The following CHN2 variants were observed in gnomAD, a reference collection of about 807,000 sequenced individuals.
CHN2 encodes chimerin 2, also known as beta-chimaerin.
In CHN2, 35 loss-of-function variants were observed where a neutral mutation model predicts 56.3. The ratio of observed to expected loss-of-function variants is 0.62; its 90% confidence interval spans 0.47 to 0.82. CHN2 has a LOEUF of 0.82. Among genes scored for constraint, CHN2 ranks in the 40% least tolerant of loss-of-function variants. The pLI, the probability that CHN2 is intolerant of heterozygous loss-of-function variation, is 0.00. For synonymous variants in CHN2, 210 were observed against 212.8 expected (o/e 0.99, Z 0.12); for missense variants, 491 against 580.5 (o/e 0.85, Z 1.58).
intron 2 of CHN2, among the ~76,000 whole-genome samples, chr7:29,158,444 G>A (rs981814905): frequency 6.6e-6 from 1 of 152,168 alleles, no homozygotes; most frequent in African/African-American, 2.4e-5. Context: ...GCTATGATGT[G>A]TGTGGGTAAG....
At chr7:29,341,608 G>T (rs990343957) in intron 1 of CHN2, among the ~76,000 whole-genome samples, 2 of 151,946 alleles carry the variant, frequency 1.3e-5, no homozygotes, top group East Asian at 3.9e-4. Context: ...AGAGAAGGAT[G>T]GGAGGGAGAG....
chr7:29,180,499 G>A (rs1047396333), intron 2 of CHN2, among the ~76,000 whole-genome samples: 9 of 151,094 alleles, frequency 6.0e-5, no homozygotes, highest in African/African-American at 7.3e-5. Flanking sequence ...TGCACTGGGC[G>A]ACAGAGCGAC....
At chr7:29,211,204 G>A (rs182269894) in intron 1 of CHN2, among the ~76,000 whole-genome samples, 1,793 of 151,820 alleles carry the variant, frequency 0.012, 32 homozygotes, top group African/African-American at 0.04. Flanking sequence ...CTGAGGAGCT[G>A]GGACTAAAGG....
chr7:29,443,929 G>C (rs1172514361), intron 6 of CHN2, among the ~76,000 whole-genome samples: 1 of 152,164 alleles, frequency 6.6e-6, no homozygotes, highest in Non-Finnish European at 1.5e-5. Flanking sequence ...GGAAAAGGCA[G>C]GAAATACTTG....
At chr7:29,345,697 C>T (rs936741386) in intron 1 of CHN2, among the ~76,000 whole-genome samples, 1 of 152,034 alleles carries the variant, frequency 6.6e-6, no homozygotes, top group Non-Finnish European at 1.5e-5. Context: ...CGAGGACTGG[C>T]TCGTTGCATT....
At chr7:29,306,560 G>C (rs1794181552) in intron 1 of CHN2, among the ~76,000 whole-genome samples, 1 of 152,144 alleles carries the variant, frequency 6.6e-6, no homozygotes, top group Non-Finnish European at 1.5e-5. Context: ...GGGGGACCCT[G>C]GGTGTTAAAG....
At chr7:29,153,292 G>A (rs1793863965) in intron 2 of CHN2, among the ~76,000 whole-genome samples, 1 of 152,136 alleles carries the variant, frequency 6.6e-6, no homozygotes, top group Non-Finnish European at 1.5e-5. Context: ...ATAAACATCT[G>A]TTGATTTAAA....
At chr7:29,370,707 CA>C (rs983943223) in intron 3 of CHN2, among the ~76,000 whole-genome samples, 2 of 152,224 alleles carry the variant, frequency 1.3e-5, no homozygotes, top group African/African-American at 2.4e-5. Context: ...GAGCACCAAG[CA>C]AAGTGTGCAA....
chr7:29,332,031 AAGAG>A (rs1183069687), intron 1 of CHN2, among the ~76,000 whole-genome samples: 1 of 146,238 alleles, frequency 6.8e-6, no homozygotes, highest in Non-Finnish European at 1.5e-5. Flanking sequence ...AAAAAAAAAA[AAGAG>A]AAGGATAATT....
intron 1 of CHN2, among the ~76,000 whole-genome samples, chr7:29,291,289 C>T (rs576258422): frequency 1.3e-5 from 2 of 152,212 alleles, no homozygotes; most frequent in East Asian, 1.9e-4. Context: ...GGGAGCCAGC[C>T]GTTCCCTGGC....
chr7:29,284,156 T>C (rs1236921789), intron 1 of CHN2, among the ~76,000 whole-genome samples: 2 of 151,750 alleles, frequency 1.3e-5, no homozygotes, highest in Non-Finnish European at 2.9e-5. Context: ...AGTGCAGTGG[T>C]GCGATCTCCC....
intron 1 of CHN2, among the ~76,000 whole-genome samples, chr7:29,291,250 T>C (rs1301002659): frequency 6.6e-6 from 1 of 152,146 alleles, no homozygotes; most frequent in Non-Finnish European, 1.5e-5. Context: ...AAGCAGCTGA[T>C]CACCAGTTTC....
chr7:29,320,262 A>G (rs926793609), intron 1 of CHN2, among the ~76,000 whole-genome samples: 3 of 152,204 alleles, frequency 2.0e-5, no homozygotes, highest in Non-Finnish European at 2.9e-5. Context: ...CTTGAGACAC[A>G]GGAGAATTGG....
rs55722880 is a variant in CHN2 at position 29,273,343 on chromosome 7, G to GTATA, written c.49+78396_49+78399dup. On this transcript the variant is annotated intron_variant, in intron 1 of 12. Coordinates refer to ENST00000222792, the MANE Select transcript of CHN2 (RefSeq NM_004067.4). ...CCATCATGCATATATATATATATGT[G>GTATA]TATATATATATATATATATATATAT... is the stretch of plus-strand genomic sequence containing the variant. Among the ~76,000 whole-genome samples, 237 of 58,072 alleles carry GTATA rather than the reference G, an allele frequency of 4.1e-3. 2 individuals are homozygous for GTATA. Among genetic ancestry groups the GTATA allele is most frequent in the Middle Eastern group, 0.012 (1 of 82 alleles). 38.1% of individuals were successfully genotyped at this position (58,072 alleles called of 152,430 possible). A position where few individuals can be genotyped will look rare whatever the true frequency, so the allele number is the denominator to read the frequency against.
At chr7:29,260,189 C>T (rs1355370106) in intron 1 of CHN2, among the ~76,000 whole-genome samples, 1 of 152,110 alleles carries the variant, frequency 6.6e-6, no homozygotes, top group African/African-American at 2.4e-5. Context: ...GTTGGCCAGG[C>T]TGGTCTTGAA....
At chr7:29,184,246 A>G (rs1438427197) in intron 2 of CHN2, among the ~76,000 whole-genome samples, 1 of 150,772 alleles carries the variant, frequency 6.6e-6, no homozygotes, top group Non-Finnish European at 1.5e-5. Flanking sequence ...ATACATATAC[A>G]ATCTATATAT....
At chr7:29,470,265 A>G (rs1159384094) in intron 6 of CHN2, among the ~76,000 whole-genome samples, 2 of 152,232 alleles carry the variant, frequency 1.3e-5, no homozygotes, top group Non-Finnish European at 2.9e-5. Flanking sequence ...AATCCCAGCC[A>G]CCACTCACAC....
At chr7:29,428,188 G>A (rs1230558217) in intron 6 of CHN2, among the ~76,000 whole-genome samples, 1 of 152,158 alleles carries the variant, frequency 6.6e-6, no homozygotes, top group Non-Finnish European at 1.5e-5. Context: ...CAACAACTTG[G>A]CAGGATTGTT....
intron 1 of CHN2, among the ~76,000 whole-genome samples, chr7:29,320,525 C>A (rs1035626967): frequency 6.6e-6 from 1 of 152,112 alleles, no homozygotes; most frequent in Non-Finnish European, 1.5e-5. Context: ...GAGAGAAACC[C>A]GAGTAAATAT....
Sources: gnomAD v4.1 joint callset for allele counts (sites outside exome capture counted in the v4.1 genomes callset) on GRCh38, gnomAD v4.1.1 for gene constraint, MANE v1.5 for transcripts, NCBI Gene and HGNC (gene_info 2026-07-23, HGNC 2026-07-21) for gene names.